Variants in LSG1 observed in about 807,000 individuals in gnomAD.
The protein encoded by LSG1 is large subunit GTPase 1 homolog.
LSG1 carries 55 observed loss-of-function variants against 82.6 expected under a neutral mutation model. The observed-to-expected ratio is 0.67, with a 90% CI of 0.54 to 0.83. The LOEUF (loss-of-function observed/expected upper bound fraction) is 0.83. Ranked by LOEUF, LSG1 falls within the 40% of genes least tolerant of loss-of-function variation. The pLI is 0.00. For synonymous variants in LSG1, 272 were observed against 282.5 expected, an observed-to-expected ratio of 0.96 and a Z score of 0.37; for missense variants, 809 against 807.9, an observed-to-expected ratio of 1.00 and a Z score of -0.02.
chr3:194,642,372 C>A, intron 13 of LSG1, 125 bp from the exon 14 acceptor site: 1 of 676,320 alleles, frequency 1.5e-6, no homozygotes, highest in South Asian at 2.8e-5. Context: ...CTTCCGCCCC[C>A]CTCCCCTTCA....
Position 194,672,117 on chromosome 3 carries a change from G to C in LSG1, c.46C>G (p.Leu16Val). Residue 16 changes from leucine (L) to valine (V), a missense_variant, in exon 1 of 14, where the codon CTT (leucine) becomes GTT (valine). Coordinates refer to ENST00000265245, the MANE Select transcript of LSG1 (RefSeq NM_018385.3). ...CTCCGCTGAGTCTGATGGCGCATAA[G>C]GGCCCGTCCCAGCGACCCACCGGCC... The part of the protein sequence containing the change: ...APAGGSLGRA[L>V]MRHQTQRSRS... The C allele has an allele frequency of 6.2e-7, 1 of 1,608,874 alleles. No individual in the cohort carries two copies. Among genetic ancestry groups the C allele is most frequent in the Middle Eastern group, 1.6e-4 (1 of 6,062 alleles).
rs572730887 is a variant in LSG1 at position 194,646,942 on chromosome 3, T to C, written c.1544-699A>G. ...TACTGAATGATGTACCTACATTTTT[T>C]TCCCCAGTAAGATCCCTTTAATACT... is the stretch of plus-strand genomic sequence containing the variant. On this transcript the variant is annotated intron_variant, in intron 11 of 13. Coordinates refer to ENST00000265245, the MANE Select transcript of LSG1 (RefSeq NM_018385.3). Among the ~76,000 whole-genome samples, 35 of 152,368 alleles carry C rather than the reference T, an allele frequency of 2.3e-4. 2 individuals carry two copies. In the South Asian group the frequency reaches 7.2e-3, roughly 32 times the overall value.
intron 11 of LSG1, among the ~76,000 whole-genome samples, chr3:194,648,075 ATTTTTTTT>A (rs990548703): frequency 1.7e-5 from 2 of 117,940 alleles, no homozygotes; most frequent in Non-Finnish European, 3.6e-5. Context: ...CCACACTGCT[ATTTTTTTT>A]TTTTTTTTTT....
intron 1 of LSG1, chr3:194,671,791 C>T: frequency 2.0e-6 from 1 of 496,340 alleles, no homozygotes; most frequent in Non-Finnish European, 3.5e-6. Flanking sequence ...AGGGCAAAAC[C>T]CAAACGTACT....
intron 11 of LSG1, among the ~76,000 whole-genome samples, chr3:194,647,630 A>G (rs1718580234): frequency 6.6e-6 from 1 of 152,248 alleles, no homozygotes. Context: ...TAGATGAAAC[A>G]TCTTAAAAGA....
At chr3:194,647,800 C>T (rs903702294) in intron 11 of LSG1, among the ~76,000 whole-genome samples, 2 of 152,260 alleles carry the variant, frequency 1.3e-5, no homozygotes, top group Admixed American at 6.5e-5. Flanking sequence ...GCTCTGAGTT[C>T]GGATGATTAC....
chr3:194,645,531 GACAGACACACACACACA>G (rs1718511972), intron 12 of LSG1: 1 of 35,118 alleles, frequency 2.8e-5, no homozygotes, highest in Non-Finnish European at 5.4e-5. Context: ...CACACACACA[GACAGACACACACACACA>G]CACACACACA....
chr3:194,645,012 T>C, intron 12 of LSG1: 1 of 312,216 alleles, frequency 3.2e-6, no homozygotes, highest in Non-Finnish European at 5.9e-6. Context: ...CACTCAAGTA[T>C]TCTTCAGTAT....
intron 7 of LSG1, among the ~76,000 whole-genome samples, chr3:194,657,738 G>A (rs1448382731): frequency 6.6e-6 from 1 of 152,156 alleles, no homozygotes; most frequent in Non-Finnish European, 1.5e-5. Context: ...GAATATGAAA[G>A]CTGAAAATGC....
intron 12 of LSG1, 58 bp from the exon 13 acceptor site, chr3:194,644,804 G>A: frequency 7.0e-7 from 1 of 1,430,992 alleles, no homozygotes; most frequent in Admixed American, 2.1e-5. Flanking sequence ...TGGCCTCAGA[G>A]GAGACAGCTC....
At chr3:194,647,688 T>C (rs1326213484) in intron 11 of LSG1, among the ~76,000 whole-genome samples, 1 of 152,232 alleles carries the variant, frequency 6.6e-6, no homozygotes, top group Non-Finnish European at 1.5e-5. Context: ...ACTGGAAGTT[T>C]GGTGGAAGTC....
At chr3:194,668,443 T>C (rs1392991116) in intron 2 of LSG1, among the ~76,000 whole-genome samples, 1 of 152,184 alleles carries the variant, frequency 6.6e-6, no homozygotes, top group Admixed American at 6.5e-5. Context: ...ACATTTGTTA[T>C]AGTCTCTTTT....
rs377282586 is a variant in LSG1, at chr3:194,648,836, G to C, written c.1420-32C>G. On this transcript the variant is annotated intron_variant, in intron 10 of 13. Coordinates refer to ENST00000265245, the MANE Select transcript of LSG1 (RefSeq NM_018385.3). ...TGTCAGGGAATCCATTCTCTTGAAC[G>C]GACTCCCTCCTCCCCATGGCATACA... 5 of 1,611,928 alleles carry C rather than the reference G, an allele frequency of 3.1e-6. No individual in the cohort carries two copies. The Admixed American group carries it at 8.4e-5, about 27-fold the overall frequency.
chr3:194,665,373 T>C (rs1265484497), intron 5 of LSG1, among the ~76,000 whole-genome samples, 184 bp downstream of exon 5: 1 of 152,224 alleles, frequency 6.6e-6, no homozygotes, highest in African/African-American at 2.4e-5. Flanking sequence ...TATCAACATA[T>C]TCATCTAACA....
intron 7 of LSG1, 77 bp from the exon 8 acceptor site, chr3:194,653,219 G>A: frequency 6.9e-7 from 1 of 1,443,562 alleles, no homozygotes; most frequent in South Asian, 1.3e-5. Flanking sequence ...TGAGTTGTAA[G>A]ATGGACAGAG....
chr3:194,650,832 C>A (rs1337037755), intron 10 of LSG1, 49 bp downstream of exon 10: 3 of 1,551,300 alleles, frequency 1.9e-6, no homozygotes, highest in African/African-American at 2.7e-5. Flanking sequence ...AAACCTGAAG[C>A]CCTAATATGC....
At chr3:194,653,360 C>T (rs1484088928) in intron 7 of LSG1, among the ~76,000 whole-genome samples, 1 of 151,972 alleles carries the variant, frequency 6.6e-6, no homozygotes, top group Non-Finnish European at 1.5e-5. Context: ...ACTAAAAATA[C>T]AAAAATTAGC....
intron 7 of LSG1, among the ~76,000 whole-genome samples, chr3:194,655,731 C>T (rs113362088): frequency 1.6e-4 from 24 of 152,144 alleles, no homozygotes; most frequent in Non-Finnish European, 2.8e-4. Flanking sequence ...GGAGGCATCA[C>T]GCTACCTGAC....
chr3:194,646,237 C>T lies in LSG1; in HGVS notation c.1550G>A (p.Arg517Gln), dbSNP rs542613557. The change falls in exon 12 of 14, where the codon CGA becomes CAA. Residue 517 changes from arginine (R) to glutamine (Q), a missense_variant. Coordinates refer to ENST00000265245, the MANE Select transcript of LSG1 (RefSeq NM_018385.3). ...EELLTAYGYMRGFMTAHGQPD... is the reference protein window; with the variant it reads ...EELLTAYGYMQGFMTAHGQPD... ...CTGTCCATGCGCTGTCATGAATCCT[C>T]GCATGTCTGTGGAGAGAAAAGAATT... The T allele has an allele frequency of 9.3e-6, 15 of 1,613,628 alleles. No individual in the cohort carries two copies. Among genetic ancestry groups the T allele is most frequent in the African/African-American group, 2.7e-5 (2 of 74,732 alleles).
Sources: allele counts gnomAD v4.1 joint callset (sites outside exome capture counted in the v4.1 genomes callset), GRCh38; gene constraint gnomAD v4.1.1; transcripts MANE v1.5; gene names NCBI Gene and HGNC (gene_info 2026-07-23, HGNC 2026-07-21).